The following GC variants were observed in gnomAD, a reference collection of about 807,000 sequenced individuals.
The protein encoded by GC is GC vitamin D binding protein.
GC carries 43 observed loss-of-function variants against 56.7 expected under a neutral mutation model. The observed-to-expected ratio is 0.76, with a 90% CI of 0.59 to 0.98. GC has a LOEUF of 0.98. GC is among the 50% of genes least tolerant of loss of function. GC has a pLI of 0.00. For synonymous variants in GC, 216 were observed against 202.7 expected (o/e 1.07, Z -0.56); for missense variants, 529 against 545.9 (o/e 0.97, Z 0.31).
At chr4:71,775,123 T>C (rs1309313420) in intron 1 of GC, among the ~76,000 whole-genome samples, 1 of 151,616 alleles carries the variant, frequency 6.6e-6, no homozygotes, top group African/African-American at 2.4e-5. Context: ...CTCAGGCGCT[T>C]TGGTCTTAGT....
chr4:71,799,557 A>G (rs1285241278), intron 1 of GC, among the ~76,000 whole-genome samples: 2 of 152,156 alleles, frequency 1.3e-5, no homozygotes, highest in Non-Finnish European at 2.9e-5. Context: ...CAGGAGAGGT[A>G]AGCCAGGGGG....
rs192531017 is a variant in GC, at chr4:71,781,660, C to T, written c.58+2301G>A. On this transcript the variant is annotated intron_variant, in intron 1 of 12. Transcript: ENST00000273951. ...AAAGATATATTGTATATTAGTATTT[C>T]ATCCATTTCAGTCCTAGGGGAAGAA... Among the ~76,000 whole-genome samples, 279 of 151,870 alleles carry T rather than the reference C, an allele frequency of 1.8e-3. 1 individual carries two copies. The highest frequency in any genetic ancestry group is 5.9e-3 in the African/African-American group (244 of 41,476).
At chr4:71,747,726 G>A (rs1487612698) in intron 11 of GC, among the ~76,000 whole-genome samples, 1 of 152,040 alleles carries the variant, frequency 6.6e-6, no homozygotes, top group Non-Finnish European at 1.5e-5. Flanking sequence ...CTGTAAGGGA[G>A]GAGAAAGAAA....
intron 12 of GC, among the ~76,000 whole-genome samples, chr4:71,742,391 A>G (rs938182901): frequency 2.0e-5 from 3 of 152,136 alleles, no homozygotes; most frequent in Admixed American, 6.5e-5. Flanking sequence ...TCACAGTTCT[A>G]TTTGCACGGT....
intron 6 of GC, among the ~76,000 whole-genome samples, chr4:71,758,382 A>G (rs903352043): frequency 2.6e-5 from 4 of 152,190 alleles, no homozygotes; most frequent in African/African-American, 7.2e-5. Context: ...CCAAATTTTC[A>G]GTACCCAAAT....
chr4:71,767,042 C>T (rs116748421), intron 3 of GC, among the ~76,000 whole-genome samples: 3,430 of 152,012 alleles, frequency 0.023, 51 homozygotes, highest in Non-Finnish European at 0.036. Flanking sequence ...GATGATTTGA[C>T]GCTTTCTTAT....
intron 6 of GC, among the ~76,000 whole-genome samples, chr4:71,758,473 CA>C (rs1253069102): frequency 1.3e-5 from 2 of 152,152 alleles, no homozygotes; most frequent in African/African-American, 4.8e-5. Flanking sequence ...GAAGAAGTCA[CA>C]AATGTCTCTT....
intron 6 of GC, among the ~76,000 whole-genome samples, chr4:71,761,714 C>T (rs1741981379): frequency 6.6e-6 from 1 of 152,182 alleles, no homozygotes; most frequent in Non-Finnish European, 1.5e-5. Flanking sequence ...GCTGCTCCAA[C>T]CATGGCTGAA....
intron 4 of GC, 143 bp from the exon 5 acceptor site, chr4:71,764,079 T>A: frequency 1.6e-6 from 1 of 621,010 alleles, no homozygotes; most frequent in Non-Finnish European, 2.8e-6. Flanking sequence ...CCTCCTGGCC[T>A]CAAGCGATCC....
chr4:71,752,588 A>G lies in GC; in HGVS notation c.1325T>C (p.Val442Ala). ...DATPTELAKL[V>A]NKHSDFASNC... is the part of the protein sequence containing the mutation. ...GGAGGCAAAGTCTGAGTGCTTGTTA[A>G]CCAGCTTTGCCAGTTCCGTGGGTGT... The change falls in exon 11 of 13, where the codon GTT (valine) becomes GCT (alanine). Residue 442 changes from valine to alanine, a missense_variant. Physicochemically the swap from Val to Ala is moderately conservative, Grantham distance 64 (BLOSUM62 0). Coordinates refer to ENST00000273951, the MANE Select transcript of GC (RefSeq NM_000583.4). 1.9e-6 allele frequency: 3 copies of G among 1,613,408 alleles called. No individual in the cohort carries two copies. Among genetic ancestry groups the G allele is most frequent in the Non-Finnish European group, 2.5e-6 (3 of 1,179,370 alleles).
intron 1 of GC, among the ~76,000 whole-genome samples, chr4:71,797,294 G>T (rs1743129443): frequency 6.6e-6 from 1 of 152,234 alleles, no homozygotes; most frequent in Non-Finnish European, 1.5e-5. Context: ...GCCCACTGAG[G>T]TGACATCTGT....
At chr4:71,756,952 C>T (rs1741799198) in intron 7 of GC, 38 bp from the exon 8 acceptor site, 2 of 1,328,678 alleles carry the variant, frequency 1.5e-6, no homozygotes, top group African/African-American at 2.9e-5. Context: ...TTGTTAGTTT[C>T]CTGATAGTCT....
upstream of GC, among the ~76,000 whole-genome samples, chr4:71,787,647 A>G (rs1742870926): frequency 1.3e-5 from 2 of 151,834 alleles, no homozygotes; most frequent in Admixed American, 1.3e-4. Flanking sequence ...GAGTAGATAC[A>G]GTGAGAGTAG....
At chr4:71,795,247 T>C (rs1743068953) in intron 1 of GC, among the ~76,000 whole-genome samples, 1 of 152,196 alleles carries the variant, frequency 6.6e-6, no homozygotes, top group African/African-American at 2.4e-5. Context: ...TATCTAATAT[T>C]GACAGTGGCA....
rs544102699 is a variant in GC at position 71,769,415 on chromosome 4, T to C, written c.59-15A>G. The C allele has an allele frequency of 1.9e-6, 3 of 1,585,812 alleles. No homozygotes were observed. The highest frequency in any genetic ancestry group is 1.3e-5 in the African/African-American group (1 of 74,500). On this transcript the variant is annotated splice_polypyrimidine_tract_variant and intron_variant, in intron 1 of 12. Coordinates refer to ENST00000273951, the MANE Select transcript of GC (RefSeq NM_000583.4). ...ATAATCCCGGCCTAGGAGGCAGAAATAGAAAAATTTGTATGTGTCCCCTTT... is the reference window on the plus strand; with the variant it reads ...ATAATCCCGGCCTAGGAGGCAGAAACAGAAAAATTTGTATGTGTCCCCTTT...
chr4:71,750,757 C>T (rs1741524741), intron 11 of GC, among the ~76,000 whole-genome samples: 2 of 151,910 alleles, frequency 1.3e-5, no homozygotes, highest in South Asian at 2.1e-4. Flanking sequence ...TGGTGGTGGG[C>T]ACCTATAATA....
intron 1 of GC, chr4:71,803,914 A>C (rs182245840): frequency 1.0e-4 from 151 of 1,465,770 alleles, no homozygotes; most frequent in Non-Finnish European, 1.4e-4. Flanking sequence ...ATTTGGAATT[A>C]GAACGCAGTA....
chr4:71,776,553 TAGAC>T (rs920794375), intron 1 of GC, among the ~76,000 whole-genome samples: 2 of 151,980 alleles, frequency 1.3e-5, no homozygotes, highest in East Asian at 3.9e-4. Context: ...AAATTTCAGT[TAGAC>T]AGGAGGAATG....
chr4:71,764,092 C>T (rs1445256906), intron 4 of GC, among the ~76,000 whole-genome samples, 156 bp from the exon 5 acceptor site: 2 of 152,148 alleles, frequency 1.3e-5, no homozygotes, highest in African/African-American at 4.8e-5. Context: ...AGCGATCCTC[C>T]TGCTTCAGCT....
Sources: gnomAD v4.1 joint callset for allele counts (sites outside exome capture counted in the v4.1 genomes callset) on GRCh38, gnomAD v4.1.1 for gene constraint, MANE v1.5 for transcripts, NCBI Gene and HGNC (gene_info 2026-07-23, HGNC 2026-07-21) for gene names.